Variants in PTPRD observed in about 807,000 individuals in gnomAD.
PTPRD encodes the protein receptor-type tyrosine-protein phosphatase delta.
Under a neutral mutation model 214.5 loss-of-function variants are expected in PTPRD, and 34 were observed. The ratio of observed to expected loss-of-function variants is 0.16; its 90% CI spans 0.12 to 0.21. The LOEUF is 0.21. PTPRD is among the 10% of genes least tolerant of loss of function. The probability of loss-of-function intolerance (pLI) is 1.00; values close to 1 mark genes in which losing one functional copy is unlikely to be tolerated. For missense variants in PTPRD, 2,545 were observed against 2,398.7 expected, an observed-to-expected ratio of 1.06 and a Z score of -1.27; for synonymous variants, 1,128 against 845.7, an observed-to-expected ratio of 1.33 and a Z score of -5.79.
At chr9:9,054,625 T>C (rs1416466152) in intron 10 of PTPRD, among the ~76,000 whole-genome samples, 1 of 152,146 alleles carries the variant, frequency 6.6e-6, no homozygotes, top group Non-Finnish European at 1.5e-5. Flanking sequence ...TACTCAAAAA[T>C]CTCCATGAAA....
chr9:8,959,886 G>C (rs1402811701), intron 11 of PTPRD, among the ~76,000 whole-genome samples: 1 of 151,978 alleles, frequency 6.6e-6, no homozygotes, highest in Admixed American at 6.6e-5. Context: ...ATTAGAGCTT[G>C]GGCATGAAAA....
chr9:10,433,987 C>T (rs2098700735), intron 2 of PTPRD, among the ~76,000 whole-genome samples: 1 of 151,704 alleles, frequency 6.6e-6, no homozygotes, highest in African/African-American at 2.4e-5. Flanking sequence ...TCCAAAGACA[C>T]CTGTGATATT....
chr9:9,876,726 G>A (rs188249029), intron 5 of PTPRD, among the ~76,000 whole-genome samples: 14 of 152,174 alleles, frequency 9.2e-5, no homozygotes, highest in Non-Finnish European at 1.9e-4. Flanking sequence ...CAAATTCTAT[G>A]TCAGAATCAT....
At chr9:9,823,226 C>A (rs780946399) in intron 5 of PTPRD, among the ~76,000 whole-genome samples, 2 of 152,036 alleles carry the variant, frequency 1.3e-5, no homozygotes, top group African/African-American at 4.8e-5. Flanking sequence ...AAGCACAGTG[C>A]CTCCATCTGC....
chr9:9,636,426 T>G (rs1411532026), intron 7 of PTPRD, among the ~76,000 whole-genome samples: 1 of 152,200 alleles, frequency 6.6e-6, no homozygotes, highest in Non-Finnish European at 1.5e-5. Flanking sequence ...TCCTTCACCT[T>G]TCTCCAATGA....
At chr9:9,887,808 A>T (rs2071543815) in intron 5 of PTPRD, among the ~76,000 whole-genome samples, 1 of 152,006 alleles carries the variant, frequency 6.6e-6, no homozygotes, top group African/African-American at 2.4e-5. Context: ...TTTTTAAAAT[A>T]CTCTTTCGTA....
chr9:10,330,906 G>T (rs1301046627), intron 3 of PTPRD, among the ~76,000 whole-genome samples: 1 of 151,778 alleles, frequency 6.6e-6, no homozygotes, highest in African/African-American at 2.4e-5. Context: ...TCTCTTGCAG[G>T]TCATCTATAC....
chr9:9,756,266 G>C (rs770884016), intron 6 of PTPRD, among the ~76,000 whole-genome samples: 1 of 152,100 alleles, frequency 6.6e-6, no homozygotes, highest in East Asian at 1.9e-4. Flanking sequence ...ATAAGACAAA[G>C]TCTATGGTTT....
intron 9 of PTPRD, among the ~76,000 whole-genome samples, chr9:9,393,962 G>C (rs549197622): frequency 6.6e-6 from 1 of 152,152 alleles, no homozygotes; most frequent in Non-Finnish European, 1.5e-5. Flanking sequence ...TTTCCTGATA[G>C]CTAGTGCTTT....
intron 2 of PTPRD, among the ~76,000 whole-genome samples, chr9:10,607,590 A>G (rs2079795109): frequency 6.6e-6 from 1 of 151,910 alleles, no homozygotes; most frequent in South Asian, 2.1e-4. Context: ...GACTTCAGTG[A>G]TTTAAAATGT....
At chr9:8,780,237 G>A (rs752153242) in intron 11 of PTPRD, among the ~76,000 whole-genome samples, 10 of 152,132 alleles carry the variant, frequency 6.6e-5, no homozygotes, top group Non-Finnish European at 1.0e-4. Context: ...TTATTCCACC[G>A]CACAGGATTA....
intron 19 of PTPRD, among the ~76,000 whole-genome samples, chr9:8,522,888 A>G (rs2097919002): frequency 6.6e-6 from 1 of 152,310 alleles, no homozygotes; most frequent in Non-Finnish European, 1.5e-5. Flanking sequence ...CATAACCCCA[A>G]GAAGAAGATA....
intron 2 of PTPRD, among the ~76,000 whole-genome samples, chr9:10,445,777 G>C (rs1043293934): frequency 1.3e-5 from 2 of 152,000 alleles, no homozygotes; most frequent in Admixed American, 1.3e-4. Context: ...AGAAGCACAG[G>C]CATAATGAGG....
chr9:10,404,040 C>A (rs183456559), intron 2 of PTPRD, among the ~76,000 whole-genome samples: 20 of 151,812 alleles, frequency 1.3e-4, no homozygotes, highest in African/African-American at 3.6e-4. Context: ...ACAAATCCAC[C>A]ACTCTGGTGG....
At chr9:9,410,568 G>T (rs925347608) in intron 8 of PTPRD, among the ~76,000 whole-genome samples, 1 of 152,080 alleles carries the variant, frequency 6.6e-6, no homozygotes, top group Non-Finnish European at 1.5e-5. Flanking sequence ...GCCAGAACCC[G>T]ACTATGAATT....
chr9:8,516,769 G>T (rs947023475), intron 21 of PTPRD, among the ~76,000 whole-genome samples: 2 of 147,934 alleles, frequency 1.4e-5, no homozygotes, highest in African/African-American at 2.5e-5. Context: ...AGGAGTCAAA[G>T]AAGTAGCTCT....
intron 3 of PTPRD, among the ~76,000 whole-genome samples, chr9:10,043,147 TA>T (rs1427401188): frequency 6.6e-6 from 1 of 151,874 alleles, no homozygotes; most frequent in Non-Finnish European, 1.5e-5. Context: ...CTATAGAAAA[TA>T]AAATGTTTTC....
intron 4 of PTPRD, among the ~76,000 whole-genome samples, chr9:9,968,924 T>C (rs926427180): frequency 6.6e-6 from 1 of 152,156 alleles, no homozygotes; most frequent in Non-Finnish European, 1.5e-5. Flanking sequence ...CAACTACTAC[T>C]GACCAGTAAC....
chr9:8,944,527 T>C (rs2099052291), intron 11 of PTPRD, among the ~76,000 whole-genome samples: 1 of 151,972 alleles, frequency 6.6e-6, no homozygotes. Flanking sequence ...GATGAATGGA[T>C]AAAGAAAATG....
Sources: gnomAD v4.1 joint callset for allele counts (sites outside exome capture counted in the v4.1 genomes callset) on GRCh38, gnomAD v4.1.1 for gene constraint, MANE v1.5 for transcripts, NCBI Gene and HGNC (gene_info 2026-07-23, HGNC 2026-07-21) for gene names.